The following SLC15A1 variants were observed in gnomAD, a reference collection of about 807,000 sequenced individuals.
SLC15A1 encodes solute carrier family 15 member 1.
A neutral mutation model predicts 92.9 loss-of-function variants in SLC15A1; 83 were observed. The observed-to-expected ratio is 0.89, with a 90% CI of 0.75 to 1.07. The LOEUF (loss-of-function observed/expected upper bound fraction) is 1.07. SLC15A1 is among the 50% of genes least tolerant of loss of function. The pLI is 0.00. For synonymous variants in SLC15A1, 322 were observed against 318.2 expected (o/e 1.01, Z -0.13); for missense variants, 857 against 880.1 (o/e 0.97, Z 0.33).
At chr13:98,708,854 A>C in intron 14 of SLC15A1, 87 bp from the exon 15 acceptor site, 14 of 825,042 alleles carry the variant, frequency 1.7e-5, no homozygotes, top group East Asian at 6.7e-5. Flanking sequence ...CCCCCAACAA[A>C]ACTAAATTCC....
intron 17 of SLC15A1, among the ~76,000 whole-genome samples, chr13:98,703,789 A>AT (rs1329859148): frequency 6.6e-6 from 1 of 151,762 alleles, no homozygotes; most frequent in African/African-American, 2.4e-5. Flanking sequence ...ACAGCTTTTT[A>AT]TGTGCGAATG....
intron 18 of SLC15A1, among the ~76,000 whole-genome samples, chr13:98,688,978 C>A (rs954149397): frequency 5.9e-5 from 9 of 152,172 alleles, no homozygotes; most frequent in Non-Finnish European, 1.3e-4. Context: ...CTCGCTCTGT[C>A]ACCCAGGCTG....
At chr13:98,747,993 A>C (rs923121843) in intron 1 of SLC15A1, among the ~76,000 whole-genome samples, 1 of 152,188 alleles carries the variant, frequency 6.6e-6, no homozygotes, top group Non-Finnish European at 1.5e-5. Flanking sequence ...ATTCCATCCA[A>C]ACTGGGCAAA....
Position 98,709,865 on chromosome 13 carries a change from AC to A in SLC15A1, c.945+1del. On this transcript the variant is annotated splice_donor_variant, in intron 12 of 22. Transcript: ENST00000376503. LOFTEE classifies it high-confidence loss of function. ...AAACTAAAACAAAGGAGTCAAACTT[AC>A]GATTTTCCCGGACATAGTTGTTGCC... 1 of 1,614,246 alleles carries A rather than the reference AC, an allele frequency of 6.2e-7. No homozygotes were observed. Among genetic ancestry groups the A allele is most frequent in the Admixed American group, 1.7e-5 (1 of 60,026 alleles).
At chr13:98,728,332 C>A (rs1023615729) in intron 1 of SLC15A1, among the ~76,000 whole-genome samples, 1 of 151,968 alleles carries the variant, frequency 6.6e-6, no homozygotes, top group African/African-American at 2.4e-5. Context: ...CTTTTCGAGG[C>A]CTTTTGTTGT....
intron 18 of SLC15A1, among the ~76,000 whole-genome samples, chr13:98,701,671 T>G (rs2088068079): frequency 7.6e-6 from 1 of 131,990 alleles, no homozygotes; most frequent in Non-Finnish European, 1.6e-5. Context: ...CAGCTAATTT[T>G]TTTTTTTTTT....
intron 11 of SLC15A1, among the ~76,000 whole-genome samples, 168 bp downstream of exon 11, chr13:98,711,686 G>GT (rs1203168332): frequency 1.5e-5 from 2 of 133,718 alleles, no homozygotes; most frequent in Admixed American, 7.7e-5. Context: ...GTTTTGTTTT[G>GT]TTTTTTACAA....
intron 11 of SLC15A1, 138 bp from the exon 12 acceptor site, chr13:98,710,049 A>C: frequency 1.3e-6 from 1 of 786,666 alleles, no homozygotes; most frequent in Admixed American, 2.4e-5. Context: ...ACATCAAGTT[A>C]ATCTCCCAGC....
chr13:98,692,212 G>T (rs900767732), intron 18 of SLC15A1, among the ~76,000 whole-genome samples: 1 of 132,004 alleles, frequency 7.6e-6, no homozygotes, highest in Non-Finnish European at 1.6e-5. Context: ...GGAGTGCAGT[G>T]GTGCAATCAT....
At chr13:98,714,617 G>C (rs2088197280) in intron 9 of SLC15A1, among the ~76,000 whole-genome samples, 2 of 124,166 alleles carry the variant, frequency 1.6e-5, no homozygotes, top group Admixed American at 2.2e-4. Context: ...GTGCACCACT[G>C]CCCTCCAGCC....
At chr13:98,749,687 CTG>C (rs2088526017) in intron 1 of SLC15A1, among the ~76,000 whole-genome samples, 1 of 152,208 alleles carries the variant, frequency 6.6e-6, no homozygotes, top group East Asian at 1.9e-4. Context: ...ACCCCAGGCT[CTG>C]AGAACCACAC....
chr13:98,690,637 A>T (rs1221503605), intron 18 of SLC15A1, among the ~76,000 whole-genome samples: 1 of 152,092 alleles, frequency 6.6e-6, no homozygotes, highest in East Asian at 1.9e-4. Context: ...TAACTTAATG[A>T]TGGGGATGGG....
At chr13:98,710,808 C>CAAA (rs4646225) in intron 11 of SLC15A1, among the ~76,000 whole-genome samples, 123 of 71,550 alleles carry the variant, frequency 1.7e-3, no homozygotes, top group Middle Eastern at 8.8e-3. Context: ...ACTCTTGACT[C>CAAA]AAAAAAAAAA....
At position 98,726,162 on chromosome 13, in the gene SLC15A1, A is replaced by G. The variant is rs763096668; in HGVS notation, c.206T>C (p.Leu69Pro). The G allele has an allele frequency of 1.9e-6, 3 of 1,614,182 alleles. No homozygotes were observed. The South Asian group carries it at 3.3e-5, about 18-fold the overall frequency. The change falls in exon 4 of 23, where the codon CTC becomes CCC. Residue 69 changes from leucine to proline, a missense_variant. Leu to Pro is a moderately conservative substitution (Grantham distance 98, BLOSUM62 -3). Transcript: ENST00000376503. ...CCACGAGTCGGCGATAAGAGCTCCG[A>G]GAATTGGCGTCAGGTAGCACAGAGC... ...FVALCYLTPI[L>P]GALIADSWLG...
At chr13:98,700,418 G>A (rs2088056936) in intron 18 of SLC15A1, among the ~76,000 whole-genome samples, 1 of 142,868 alleles carries the variant, frequency 7.0e-6, no homozygotes, top group Non-Finnish European at 1.5e-5. Flanking sequence ...CCAGGAGGAT[G>A]AGGCTGCAGT....
intron 11 of SLC15A1, 112 bp downstream of exon 11, chr13:98,711,742 G>C (rs1593992030): frequency 7.3e-6 from 5 of 683,568 alleles, no homozygotes; most frequent in Non-Finnish European, 1.3e-5. Flanking sequence ...ATATAAATAA[G>C]AAACTGGAGG....
At chr13:98,701,698 T>C (rs1421246270) in intron 18 of SLC15A1, among the ~76,000 whole-genome samples, 4 of 139,414 alleles carry the variant, frequency 2.9e-5, no homozygotes, top group Non-Finnish European at 6.1e-5. Context: ...TGAGACAGAG[T>C]CTTGCTCTGT....
intron 1 of SLC15A1, among the ~76,000 whole-genome samples, chr13:98,730,623 G>T (rs918352046): frequency 6.6e-6 from 1 of 152,260 alleles, no homozygotes. Context: ...CTGCGGGGTT[G>T]CTGGAAGAGT....
rs532286337 is a variant in SLC15A1, at chr13:98,718,300, C to CTTTTTTTT, written c.640+929_640+936dup. On this transcript the variant is annotated intron_variant, in intron 8 of 22. Transcript: ENST00000376503. The stretch of plus-strand genomic sequence containing the variant: ...ATCCAGCAGATTCTATCACCTTCAT[C>CTTTTTTTT]TTTTTTTTTTTTTTTTTTTTTTTTT... Among the ~76,000 whole-genome samples the CTTTTTTTT allele has an allele frequency of 1.7e-4, 14 of 84,134 alleles. 3 individuals carry two copies. Among genetic ancestry groups the CTTTTTTTT allele is most frequent in the African/African-American group, 8.2e-4 (12 of 14,648 alleles). 55.2% of individuals were successfully genotyped at this position (84,134 alleles called of 152,430 possible). A position where few individuals can be genotyped will look rare whatever the true frequency, so the allele number is the denominator to read the frequency against.
Sources: allele counts gnomAD v4.1 joint callset (sites outside exome capture counted in the v4.1 genomes callset), GRCh38; gene constraint gnomAD v4.1.1; transcripts MANE v1.5; gene names NCBI Gene and HGNC (gene_info 2026-07-23, HGNC 2026-07-21).